BEND6: variants seen among roughly 807,000 people sequenced by gnomAD.
The protein encoded by BEND6 is BEN domain containing 6, also known as BEN domain-containing protein 6.
In BEND6, 24 loss-of-function variants were observed where a neutral mutation model predicts 31.8. That is an observed-to-expected ratio of 0.75 (90% confidence interval 0.55 to 1.06). BEND6 has a LOEUF of 1.06. Among genes scored for constraint, BEND6 ranks in the 50% least tolerant of loss-of-function variants. The probability of loss-of-function intolerance (pLI) is 0.00; values close to 1 mark genes in which losing one functional copy is unlikely to be tolerated. For missense variants in BEND6, 294 were observed against 327.4 expected, an observed-to-expected ratio of 0.90 and a Z score of 0.79; for synonymous variants, 109 against 114.6, an observed-to-expected ratio of 0.95 and a Z score of 0.31.
At position 57,002,665 on chromosome 6, in the gene BEND6, T is replaced by C. The variant is rs75330976; in HGVS notation, c.298+10110T>C. ...AGTTTTAAAACTTCTTTGAAATTAA[T>C]GAATATAGAAATATAACATACCAAA... On this transcript the variant is annotated intron_variant, in intron 3 of 6. Coordinates refer to ENST00000370746, the MANE Select transcript of BEND6 (RefSeq NM_152731.3). Among the ~76,000 whole-genome samples the C allele has an allele frequency of 5.2e-3, 791 of 152,204 alleles. 7 individuals are homozygous for C. The highest frequency in any genetic ancestry group is 0.018 in the African/African-American group (755 of 41,530).
intron 1 of BEND6, among the ~76,000 whole-genome samples, chr6:56,960,841 A>G (rs1825262802): frequency 6.6e-6 from 1 of 152,252 alleles, no homozygotes; most frequent in Non-Finnish European, 1.5e-5. Flanking sequence ...AAAGAAAAGT[A>G]CATCTTTAAA....
rs763778967 is a variant in BEND6 at position 56,992,521 on chromosome 6, C to T, written c.264C>T (p.Asn88=). The part of the protein sequence containing the change: ...KEKLTNTRKE[N]SRLRQSLVML... ...AACTAACAAACACCCGGAAAGAAAA[C>T]AGCCGACTTCGACAGTCTTTGGTCA... is the stretch of plus-strand genomic sequence containing the variant. The change falls in exon 3 of 7, where the codon AAC becomes AAT. Residue 88 remains asparagine (N), a synonymous_variant. Coordinates refer to ENST00000370746, the MANE Select transcript of BEND6 (RefSeq NM_152731.3). 2.5e-6 allele frequency: 4 copies of T among 1,613,642 alleles called. No individual in the cohort carries two copies. In the Admixed American group the frequency reaches 5.0e-5, roughly 20 times the overall value.
At chr6:57,007,239 G>C (rs1325625081) in intron 3 of BEND6, among the ~76,000 whole-genome samples, 2 of 151,358 alleles carry the variant, frequency 1.3e-5, no homozygotes, top group African/African-American at 4.9e-5. Context: ...AGTGAACTGT[G>C]ATCACACCAC....
intron 4 of BEND6, among the ~76,000 whole-genome samples, chr6:57,016,760 G>T (rs748246852): frequency 2.7e-4 from 41 of 152,240 alleles, no homozygotes; most frequent in Middle Eastern, 6.8e-3. Flanking sequence ...GGTAATCCAG[G>T]ATAATCTCCC....
At chr6:56,999,925 C>T (rs535835867) in intron 3 of BEND6, among the ~76,000 whole-genome samples, 5 of 149,370 alleles carry the variant, frequency 3.3e-5, no homozygotes, top group East Asian at 2.0e-4. Context: ...GTCTAGGAAG[C>T]GAGCCCCTCT....
At position 56,992,043 on chromosome 6, in the gene BEND6, C is replaced by A. The variant is rs1391341249; in HGVS notation, c.121-335C>A. ...ATATGGTGAGGCATTCTGCTCAAAT[C>A]CGGGCTGTATATCAGAGAAGACCAG... is the stretch of plus-strand genomic sequence containing the variant. On this transcript the variant is annotated intron_variant, in intron 2 of 6. Coordinates refer to ENST00000370746, the MANE Select transcript of BEND6 (RefSeq NM_152731.3). Among the ~76,000 whole-genome samples the A allele has an allele frequency of 3.9e-5, 6 of 152,180 alleles. No homozygotes were observed. The East Asian group carries it at 1.2e-3, about 29-fold the overall frequency.
chr6:57,000,726 G>A (rs1157413700), intron 3 of BEND6, among the ~76,000 whole-genome samples: 2 of 151,716 alleles, frequency 1.3e-5, no homozygotes, highest in African/African-American at 2.4e-5. Context: ...GGTGTGTTGT[G>A]GCTGGGAGGC....
At chr6:57,019,332 T>C (rs1455039463) in intron 6 of BEND6, among the ~76,000 whole-genome samples, 2 of 152,192 alleles carry the variant, frequency 1.3e-5, no homozygotes, top group African/African-American at 4.8e-5. Context: ...TGATGGAAAA[T>C]ACGTGAAACC....
chr6:57,015,406 T>C, intron 4 of BEND6, 53 bp downstream of exon 4: 1 of 1,443,860 alleles, frequency 6.9e-7, no homozygotes, highest in East Asian at 2.3e-5. Flanking sequence ...AAATAAAAAA[T>C]TTAAATAAGG....
At chr6:56,963,290 C>G (rs1825350614) in intron 1 of BEND6, among the ~76,000 whole-genome samples, 1 of 152,210 alleles carries the variant, frequency 6.6e-6, no homozygotes, top group Non-Finnish European at 1.5e-5. Context: ...ACCCGACACT[C>G]CAGCAGAACG....
chr6:56,966,037 G>T (rs1187987464), intron 1 of BEND6, among the ~76,000 whole-genome samples: 1 of 152,002 alleles, frequency 6.6e-6, no homozygotes, highest in Non-Finnish European at 1.5e-5. Context: ...TCCTAAAATA[G>T]AACTTGTAAT....
chr6:56,956,932 G>A (rs572492977), intron 1 of BEND6, among the ~76,000 whole-genome samples: 1 of 152,272 alleles, frequency 6.6e-6, no homozygotes, highest in African/African-American at 2.4e-5. Flanking sequence ...CAACAAAACT[G>A]AACTAACCGT....
At chr6:56,969,819 T>C (rs994786054) in intron 1 of BEND6, among the ~76,000 whole-genome samples, 4 of 152,212 alleles carry the variant, frequency 2.6e-5, no homozygotes, top group South Asian at 2.1e-4. Context: ...CATAAATGCA[T>C]TGAGAATTTA....
intron 6 of BEND6, among the ~76,000 whole-genome samples, chr6:57,022,662 C>T (rs1196875247): frequency 6.6e-6 from 1 of 151,272 alleles, no homozygotes; most frequent in Non-Finnish European, 1.5e-5. Context: ...TATCTCTTTC[C>T]TTCTACTAGG....
chr6:57,022,908 T>G (rs1436761128), intron 6 of BEND6, among the ~76,000 whole-genome samples: 1 of 152,198 alleles, frequency 6.6e-6, no homozygotes, highest in Non-Finnish European at 1.5e-5. Flanking sequence ...GCTTGTTATT[T>G]AATTTCCATG....
chr6:57,009,465 T>G (rs1827272553), intron 3 of BEND6: 1 of 152,160 alleles, frequency 6.6e-6, no homozygotes, highest in African/African-American at 2.4e-5. Context: ...CCCTGAGTAG[T>G]CCTAGAAACA....
At chr6:57,023,229 T>G (rs569167593) in intron 6 of BEND6, among the ~76,000 whole-genome samples, 4 of 152,304 alleles carry the variant, frequency 2.6e-5, no homozygotes, top group South Asian at 4.1e-4. Context: ...GTGTTGAAGT[T>G]CCTCAGTATT....
At chr6:57,008,548 A>C (rs1185748906) in intron 3 of BEND6, 9 of 289,334 alleles carry the variant, frequency 3.1e-5, no homozygotes, top group Non-Finnish European at 1.9e-5. Flanking sequence ...AGCCTGGGTG[A>C]CAGACACAGA....
At chr6:56,991,556 T>G (rs1341895156) in intron 2 of BEND6, among the ~76,000 whole-genome samples, 2 of 152,088 alleles carry the variant, frequency 1.3e-5, no homozygotes, top group Non-Finnish European at 2.9e-5. Flanking sequence ...GAGACAGGGT[T>G]TCACCACATT....
Sources: gnomAD v4.1 joint callset for allele counts (sites outside exome capture counted in the v4.1 genomes callset) on GRCh38, gnomAD v4.1.1 for gene constraint, MANE v1.5 for transcripts, NCBI Gene and HGNC (gene_info 2026-07-23, HGNC 2026-07-21) for gene names.